The following PRKN variants were observed in gnomAD, a reference collection of about 807,000 sequenced individuals.
PRKN encodes the protein E3 ubiquitin-protein ligase parkin.
PRKN carries 56 observed loss-of-function variants against 59.5 expected under a neutral mutation model. The observed-to-expected ratio is 0.94, with a 90% confidence interval of 0.76 to 1.18. The LOEUF (loss-of-function observed/expected upper bound fraction) is 1.18. PRKN is among the 50% of genes most tolerant of loss of function. The pLI, the probability that PRKN is intolerant of heterozygous loss-of-function variation, is 0.00. For missense variants in PRKN, 657 were observed against 596.4 expected, an observed-to-expected ratio of 1.10 and a Z score of -1.06; for synonymous variants, 250 against 222.1, an observed-to-expected ratio of 1.13 and a Z score of -1.12.
chr6:161,648,758 T>C (rs1784046779), intron 7 of PRKN, among the ~76,000 whole-genome samples: 1 of 152,140 alleles, frequency 6.6e-6, no homozygotes, highest in South Asian at 2.1e-4. Flanking sequence ...TTCTTTGTAC[T>C]AAACTTAAGC....
chr6:161,770,683 G>A (rs761353850), intron 7 of PRKN, among the ~76,000 whole-genome samples: 9 of 152,030 alleles, frequency 5.9e-5, no homozygotes, highest in Non-Finnish European at 1.0e-4. Flanking sequence ...GGTCAGTCTG[G>A]TCTTGAACTC....
At chr6:162,080,533 T>C (rs552325671) in intron 4 of PRKN, among the ~76,000 whole-genome samples, 1 of 152,260 alleles carries the variant, frequency 6.6e-6, no homozygotes, top group Non-Finnish European at 1.5e-5. Flanking sequence ...TATACTGTAG[T>C]TTGTTAAGTA....
intron 6 of PRKN, among the ~76,000 whole-genome samples, chr6:161,799,981 C>A (rs1791013285): frequency 6.6e-6 from 1 of 152,136 alleles, no homozygotes; most frequent in Admixed American, 6.5e-5. Flanking sequence ...AAGATGAGGT[C>A]TGAGGAGATG....
At chr6:162,364,464 C>T (rs1785311948) in intron 2 of PRKN, among the ~76,000 whole-genome samples, 1 of 151,820 alleles carries the variant, frequency 6.6e-6, no homozygotes, top group African/African-American at 2.4e-5. Flanking sequence ...TAAAATGTCC[C>T]CCAAATAAAA....
intron 7 of PRKN, chr6:161,783,729 A>G (rs556746068): frequency 6.2e-6 from 3 of 484,168 alleles, no homozygotes; most frequent in Non-Finnish European, 1.2e-5. Flanking sequence ...GAGTTTTCCA[A>G]TCTGTAAATA....
chr6:162,676,908 A>G (rs1053388411), intron 1 of PRKN, among the ~76,000 whole-genome samples: 5 of 151,942 alleles, frequency 3.3e-5, no homozygotes, highest in African/African-American at 1.2e-4. Context: ...TAAAAATACA[A>G]AAGTTAGCTG....
intron 6 of PRKN, among the ~76,000 whole-genome samples, chr6:161,893,167 T>TA (rs540944339): frequency 1.1e-3 from 162 of 152,322 alleles, no homozygotes; most frequent in African/African-American, 3.8e-3. Context: ...TAAAGGTGCT[T>TA]AAAAAAGACA....
In PRKN at chr6:161,579,703, T is replaced by C. The variant is rs768568617; in HGVS notation, c.872-10287A>G. Among the ~76,000 whole-genome samples the C allele has an allele frequency of 1.3e-5, 2 of 152,068 alleles. No homozygotes were observed. The highest frequency in any genetic ancestry group is 2.4e-5 in the African/African-American group (1 of 41,344). Reference sequence around the variant, plus strand: ...GAATTTCTTAAATGGACACAATTCCTTAAAAATGAGGTAAAGAGAGGGGCT... The same window carrying C: ...GAATTTCTTAAATGGACACAATTCCCTAAAAATGAGGTAAAGAGAGGGGCT... On this transcript the variant is annotated intron_variant, in intron 7 of 11. Coordinates refer to ENST00000366898, the MANE Select transcript of PRKN (RefSeq NM_004562.3). This position sits in a 1 kb window ranked among gnomAD's most constrained non-coding sequence, Gnocchi z 4.2.
intron 9 of PRKN, among the ~76,000 whole-genome samples, chr6:161,412,704 T>C (rs1256492725): frequency 6.6e-6 from 1 of 151,944 alleles, no homozygotes; most frequent in East Asian, 1.9e-4. Context: ...TACTAACTCA[T>C]TCCTTCCTCA....
At chr6:162,585,298 T>C (rs1414348684) in intron 1 of PRKN, among the ~76,000 whole-genome samples, 1 of 152,142 alleles carries the variant, frequency 6.6e-6, no homozygotes, top group African/African-American at 2.4e-5. Flanking sequence ...ACAGTAAACA[T>C]TTAAGCATAT....
In PRKN at chr6:161,535,635, C is replaced by A. The variant is rs114537118; in HGVS notation, c.1083+13219G>T. On this transcript the variant is annotated intron_variant, in intron 9 of 11. Coordinates refer to ENST00000366898, the MANE Select transcript of PRKN (RefSeq NM_004562.3). The stretch of plus-strand genomic sequence containing the variant: ...ATGTAGCCTCACAAGTAACTTTTCT[C>A]TGTCGGAATACGAGTACGATGTTGT... Among the ~76,000 whole-genome samples, 1,071 of 152,330 alleles carry A rather than the reference C, an allele frequency of 7.0e-3. 19 individuals are homozygous for A. The highest frequency in any genetic ancestry group is 0.025 in the African/African-American group (1,025 of 41,576).
At chr6:162,430,170 C>CGATGATGAT (rs200540756) in intron 2 of PRKN, among the ~76,000 whole-genome samples, 3 of 141,538 alleles carry the variant, frequency 2.1e-5, no homozygotes, top group African/African-American at 8.9e-5. Context: ...ACGACGACGA[C>CGATGATGAT]GACGATGATG....
At chr6:161,777,832 G>GTA (rs1562676539) in intron 7 of PRKN, among the ~76,000 whole-genome samples, 1 of 134,224 alleles carries the variant, frequency 7.5e-6, no homozygotes, top group Non-Finnish European at 1.5e-5. Context: ...ATATGTATAT[G>GTA]TATACGTATA....
chr6:161,591,012 A>G (rs1280252664), intron 7 of PRKN, among the ~76,000 whole-genome samples: 1 of 152,188 alleles, frequency 6.6e-6, no homozygotes. Flanking sequence ...CATCAATGCT[A>G]ATTTCCTGAC....
intron 11 of PRKN, 48 bp from the exon 12 acceptor site, chr6:161,350,259 T>C: frequency 7.5e-7 from 1 of 1,332,932 alleles, no homozygotes. Context: ...AGCAAGTACC[T>C]GGAAAACACG....
chr6:161,883,016 A>C (rs1358960872), intron 6 of PRKN, among the ~76,000 whole-genome samples: 1,878 of 127,210 alleles, frequency 0.015, 36 homozygotes, highest in African/African-American at 0.06. Context: ...AAGAAAACAA[A>C]AAACAACAAC....
intron 5 of PRKN, among the ~76,000 whole-genome samples, chr6:161,976,076 T>C (rs1781020690): frequency 6.6e-6 from 1 of 152,096 alleles, no homozygotes; most frequent in Non-Finnish European, 1.5e-5. Context: ...AGGCTAATTT[T>C]TGTATTTTTG....
At chr6:162,483,645 A>T (rs187866932) in intron 1 of PRKN, among the ~76,000 whole-genome samples, 2 of 152,262 alleles carry the variant, frequency 1.3e-5, no homozygotes, top group East Asian at 3.9e-4. Context: ...AAGGTGAAGA[A>T]AAACAAGCCA....
chr6:162,527,802 C>T (rs750893022), intron 1 of PRKN, among the ~76,000 whole-genome samples: 1 of 152,070 alleles, frequency 6.6e-6, no homozygotes, highest in South Asian at 2.1e-4. Context: ...GCTTTACATA[C>T]AGTCGCTCCT....
Sources: gnomAD v4.1 joint callset for allele counts (sites outside exome capture counted in the v4.1 genomes callset) on GRCh38, gnomAD v4.1.1 for gene constraint, Gnocchi (gnomAD v3.1) non-coding constraint, MANE v1.5 for transcripts, NCBI Gene and HGNC (gene_info 2026-07-23, HGNC 2026-07-21) for gene names.